The following AMOTL1 variants were observed in gnomAD, a reference collection of about 807,000 sequenced individuals.
AMOTL1 encodes the protein angiomotin like 1.
A neutral mutation model predicts 102.9 loss-of-function variants in AMOTL1; 45 were observed. That is an observed-to-expected ratio of 0.44 (90% CI 0.34 to 0.56). The LOEUF is 0.56. AMOTL1 is among the 20% of genes least tolerant of loss of function. AMOTL1 has a pLI of 0.01. For missense variants in AMOTL1, 1,114 were observed against 1,225.6 expected, an observed-to-expected ratio of 0.91 and a Z score of 1.36; for synonymous variants, 481 against 484.7, an observed-to-expected ratio of 0.99 and a Z score of 0.10.
chr11:94,869,111 A>C, intron 11 of AMOTL1, 87 bp from the exon 12 acceptor site: 1 of 1,385,328 alleles, frequency 7.2e-7, no homozygotes, highest in Non-Finnish European at 9.5e-7. Context: ...AGCAATCATC[A>C]ATCAACAAGG....
At chr11:94,801,507 G>A (rs527360522) in intron 3 of AMOTL1, among the ~76,000 whole-genome samples, 1 of 152,298 alleles carries the variant, frequency 6.6e-6, no homozygotes, top group South Asian at 2.1e-4. Flanking sequence ...GTAAGTGGAT[G>A]TCTAACAGCT....
intron 3 of AMOTL1, among the ~76,000 whole-genome samples, chr11:94,745,586 G>T (rs1292011600): frequency 6.6e-6 from 1 of 152,084 alleles, no homozygotes; most frequent in Non-Finnish European, 1.5e-5. Context: ...TAAAAATTTA[G>T]TTTGAATTCT....
rs1260528084 is a variant in AMOTL1, at chr11:94,876,064, C to T, written c.*5269C>T. On this transcript the variant is annotated 3_prime_UTR_variant, in exon 13 of 13. Transcript: ENST00000433060. ...TCTCTATATTGAACTACATATACAG[C>T]GTTTTCTTGTATCAGCCCCCAAAGT... The T allele has an allele frequency of 1.3e-5, 2 of 152,554 alleles. No homozygotes were observed. Among genetic ancestry groups the T allele is most frequent in the South Asian group, 2.1e-4 (1 of 4,820 alleles). 9.5% of individuals were successfully genotyped at this position (152,554 alleles called of 1,614,324 possible).
intron 1 of AMOTL1, among the ~76,000 whole-genome samples, chr11:94,726,318 C>A (rs1489030681): frequency 6.6e-6 from 1 of 152,194 alleles, no homozygotes; most frequent in Non-Finnish European, 1.5e-5. Flanking sequence ...TTTATGAGAT[C>A]TAATACCTAG....
intron 2 of AMOTL1, among the ~76,000 whole-genome samples, chr11:94,734,178 G>C (rs571040175): frequency 7.2e-5 from 11 of 152,098 alleles, no homozygotes; most frequent in Non-Finnish European, 1.6e-4. Context: ...TCTCTTGGTC[G>C]CTGGCCTTGA....
Position 94,832,035 on chromosome 11 carries a change from C to T in AMOTL1, c.1648+494C>T, listed in dbSNP as rs75350679. Reference sequence around the variant, plus strand: ...CACTCATTTCCAGAAGCCACTGAGACCATTTCAGCCAGGAATAATGAACAG... The same window carrying T: ...CACTCATTTCCAGAAGCCACTGAGATCATTTCAGCCAGGAATAATGAACAG... On this transcript the variant is annotated intron_variant, in intron 6 of 12. Transcript: ENST00000433060. Among the ~76,000 whole-genome samples, 593 of 152,258 alleles carry T rather than the reference C, an allele frequency of 3.9e-3. 7 individuals are homozygous for T. Among genetic ancestry groups the T allele is most frequent in the African/African-American group, 0.014 (571 of 41,540 alleles).
intron 3 of AMOTL1, among the ~76,000 whole-genome samples, chr11:94,808,965 C>CTTTTTTTTTTT (rs199619372): frequency 6.3e-5 from 7 of 111,888 alleles, no homozygotes; most frequent in African/African-American, 1.4e-4. Flanking sequence ...TTCTTTCTTT[C>CTTTTTTTTTTT]TTTTTTTTTT....
chr11:94,766,002 T>G (rs1428183419), upstream of AMOTL1, among the ~76,000 whole-genome samples: 1 of 152,228 alleles, frequency 6.6e-6, no homozygotes, highest in Non-Finnish European at 1.5e-5. Context: ...ATTGGTCTAA[T>G]GATCCATTCT....
rs1158133778 is a variant in AMOTL1 at position 94,874,767 on chromosome 11, G to T, written c.*3972G>T. ...CTTAGGGACACAGACTTCAGGTGAG[G>T]CTGCGGACCTCAGAAGCAGTGGATA... On this transcript the variant is annotated 3_prime_UTR_variant, in exon 13 of 13. Coordinates refer to ENST00000433060, the MANE Select transcript of AMOTL1 (RefSeq NM_130847.3). 6.6e-6 allele frequency: 1 copy of T among 152,208 alleles called. No individual in the cohort carries two copies. The highest frequency in any genetic ancestry group is 1.5e-5 in the Non-Finnish European group (1 of 68,042). 9.4% of individuals were successfully genotyped at this position (152,208 alleles called of 1,614,324 possible).
chr11:94,834,076 G>A (rs1233312777), intron 6 of AMOTL1, among the ~76,000 whole-genome samples: 1 of 152,108 alleles, frequency 6.6e-6, no homozygotes, highest in Non-Finnish European at 1.5e-5. Context: ...TTAGCATGTG[G>A]GTACAGAATG....
At chr11:94,800,800 T>A (rs1951463753) in intron 3 of AMOTL1, among the ~76,000 whole-genome samples, 1 of 152,166 alleles carries the variant, frequency 6.6e-6, no homozygotes, top group Non-Finnish European at 1.5e-5. Flanking sequence ...CTGGAGAGAT[T>A]AATGAATTTC....
intron 6 of AMOTL1, among the ~76,000 whole-genome samples, chr11:94,841,478 G>A (rs1047837554): frequency 2.0e-5 from 3 of 151,950 alleles, no homozygotes; most frequent in African/African-American, 7.2e-5. Context: ...AAAAAAGAAG[G>A]CAAAAAAGCA....
chr11:94,831,428 T>C, intron 5 of AMOTL1, 24 bp from the exon 6 acceptor site: 1 of 1,573,718 alleles, frequency 6.4e-7, no homozygotes. Flanking sequence ...CATTTCTTTG[T>C]AATCATTTCC....
rs1011180545 is a variant in AMOTL1, at chr11:94,875,760, G to A, written c.*4965G>A. The stretch of plus-strand genomic sequence containing the variant: ...AAATCCCTAAGAAATTTCTTGGAAT[G>A]AGTCTTTGGCCTCAGAGCCTCTCAA... On this transcript the variant is annotated 3_prime_UTR_variant, in exon 13 of 13. Transcript: ENST00000433060. 3.9e-5 allele frequency: 6 copies of A among 152,242 alleles called. No homozygotes were observed. Among genetic ancestry groups the A allele is most frequent in the Non-Finnish European group, 8.8e-5 (6 of 68,042 alleles). The allele number at this position is 152,242 out of a possible 1,614,324, so 9.4% of individuals were successfully genotyped here.
At chr11:94,745,562 C>T (rs1950580641) in intron 3 of AMOTL1, among the ~76,000 whole-genome samples, 1 of 152,126 alleles carries the variant, frequency 6.6e-6, no homozygotes, top group Non-Finnish European at 1.5e-5. Context: ...TATGTTGTGT[C>T]ATCACAGAAG....
intron 6 of AMOTL1, among the ~76,000 whole-genome samples, chr11:94,842,511 C>A (rs1003406332): frequency 1.3e-5 from 2 of 152,324 alleles, no homozygotes; most frequent in Non-Finnish European, 2.9e-5. Context: ...AGCACTGTGT[C>A]AACAGGGACA....
intron 3 of AMOTL1, among the ~76,000 whole-genome samples, chr11:94,811,376 T>C (rs971664624): frequency 2.0e-5 from 3 of 152,036 alleles, no homozygotes; most frequent in African/African-American, 7.2e-5. Context: ...ACGCCTGTAG[T>C]CCCAGCCGCT....
chr11:94,864,948 A>T, intron 10 of AMOTL1, 88 bp downstream of exon 10: 1 of 1,461,562 alleles, frequency 6.8e-7, no homozygotes, highest in South Asian at 1.6e-5. Context: ...TCCTGTTCTG[A>T]AAGGCTGTGA....
intron 3 of AMOTL1, among the ~76,000 whole-genome samples, chr11:94,814,788 A>G (rs1451646823): frequency 2.0e-5 from 3 of 152,234 alleles, no homozygotes; most frequent in Non-Finnish European, 2.9e-5. Flanking sequence ...GAGGAAGCTT[A>G]CTAGACATCC....
Sources: allele counts gnomAD v4.1 joint callset (sites outside exome capture counted in the v4.1 genomes callset), GRCh38; gene constraint gnomAD v4.1.1; transcripts MANE v1.5; gene names NCBI Gene and HGNC (gene_info 2026-07-23, HGNC 2026-07-21).